RBM42: variants seen among roughly 807,000 people sequenced by gnomAD.
The protein encoded by RBM42 is RNA binding motif protein 42.
Under a neutral mutation model 41.4 loss-of-function variants are expected in RBM42, and 21 were observed. The ratio of observed to expected loss-of-function variants is 0.51; its 90% confidence interval spans 0.36 to 0.73. The LOEUF is 0.73. Ranked by LOEUF, RBM42 falls within the 30% of genes least tolerant of loss-of-function variation. RBM42 has a pLI of 0.00. For missense variants in RBM42, 539 were observed against 680.4 expected (o/e 0.79, Z 2.31); for synonymous variants, 272 against 271.2 (o/e 1.00, Z -0.03).
At chr19:35,629,804 A>C in intron 2 of RBM42, 131 bp downstream of exon 2, 1 of 920,036 alleles carries the variant, frequency 1.1e-6, no homozygotes, top group Non-Finnish European at 1.6e-6. Flanking sequence ...TATGCCAGGC[A>C]CTGAGAACAC....
At chr19:35,634,422 C>G in intron 8 of RBM42, 49 bp downstream of exon 8, 1 of 1,370,866 alleles carries the variant, frequency 7.3e-7, no homozygotes, top group Non-Finnish European at 1.0e-6. Flanking sequence ...AAGGTCAGAC[C>G]AGGCTGCTGT....
chr19:35,632,684 T>G (rs1599606270), intron 4 of RBM42, among the ~76,000 whole-genome samples: 1 of 152,066 alleles, frequency 6.6e-6, no homozygotes, highest in East Asian at 1.9e-4. Flanking sequence ...AGGAGCTCCC[T>G]GAGAACCCTG....
intron 4 of RBM42, chr19:35,632,035 G>A (rs1453052413): frequency 6.5e-6 from 1 of 153,130 alleles, no homozygotes; most frequent in Non-Finnish European, 1.5e-5. Flanking sequence ...CTGTCAATTT[G>A]TAGGACATTA....
rs781639435 is a variant in RBM42 at position 35,637,482 on chromosome 19, C to T, written c.1371C>T (p.Ser457=). The stretch of plus-strand genomic sequence containing the variant: ...CGCGCCCCATCAAGCTTCGCAAGAG[C>T]ATGTGGAAGGACCGGAATCTGGACG... ...VGSRPIKLRK[S]MWKDRNLDVV... Residue 457 remains serine, a synonymous_variant, in exon 10 of 10, where the codon AGC becomes AGT. Transcript: ENST00000262633. The surrounding 1 kb of genome is among the most constrained non-coding windows in gnomAD (Gnocchi z 7.0). 1 of 1,614,240 alleles carries T rather than the reference C, an allele frequency of 6.2e-7. No individual in the cohort carries two copies. Among genetic ancestry groups the T allele is most frequent in the Admixed American group, 1.7e-5 (1 of 60,030 alleles).
chr19:35,634,247 C>G lies in RBM42; in HGVS notation c.1018-9C>G. Reference sequence around the variant, plus strand: ...CAACCCCTTTGCACCTCTCCCCTTTCCTCTGCAGGTCCCAGAGCCCCTGGG... The same window carrying G: ...CAACCCCTTTGCACCTCTCCCCTTTGCTCTGCAGGTCCCAGAGCCCCTGGG... On this transcript the variant is annotated splice_polypyrimidine_tract_variant and intron_variant, in intron 7 of 9. Transcript: ENST00000262633. 6.2e-7 allele frequency: 1 copy of G among 1,613,050 alleles called. No homozygotes were observed. Among genetic ancestry groups the G allele is most frequent in the African/African-American group, 1.3e-5 (1 of 75,054 alleles).
In RBM42 at chr19:35,637,404, C is replaced by T; in HGVS notation, c.1331-38C>T. 3 of 1,613,286 alleles carry T rather than the reference C, an allele frequency of 1.9e-6. No individual in the cohort carries two copies. Among genetic ancestry groups the T allele is most frequent in the Non-Finnish European group, 2.5e-6 (3 of 1,179,442 alleles). ...CAGGCGCGGCAGGCGCTGGCCTAAG[C>T]CTGACCCGAGCCTGCCTTGAACCCT... is the stretch of plus-strand genomic sequence containing the variant. On this transcript the variant is annotated intron_variant, in intron 9 of 9. Coordinates refer to ENST00000262633, the MANE Select transcript of RBM42 (RefSeq NM_024321.5). This position sits in a 1 kb window ranked among gnomAD's most constrained non-coding sequence, Gnocchi z 7.0.
At chr19:35,631,101 G>T (rs1967396805) in intron 2 of RBM42, 39 bp from the exon 3 acceptor site, 2 of 1,574,106 alleles carry the variant, frequency 1.3e-6, no homozygotes, top group African/African-American at 2.7e-5. Context: ...AGATGGGAAT[G>T]CTGAGTCAGG....
At chr19:35,631,818 CT>C (rs985875226) in intron 4 of RBM42, 1 of 192,598 alleles carries the variant, frequency 5.2e-6, no homozygotes, top group African/African-American at 2.4e-5. Context: ...GGCTTTTCCC[CT>C]GGCAGTCACA....
intron 4 of RBM42, 91 bp from the exon 5 acceptor site, chr19:35,632,845 G>C: frequency 1.4e-6 from 1 of 712,546 alleles, no homozygotes; most frequent in Non-Finnish European, 2.6e-6. Context: ...TTGATGCTGA[G>C]AGTGCACACA....
chr19:35,634,121 GA>G, intron 7 of RBM42, 102 bp downstream of exon 7: 1 of 1,518,854 alleles, frequency 6.6e-7, no homozygotes, highest in Non-Finnish European at 8.8e-7. Flanking sequence ...GGACCTGGGG[GA>G]GGGAGGCGGA....
intron 6 of RBM42, 79 bp from the exon 7 acceptor site, chr19:35,633,608 C>A: frequency 3.0e-6 from 4 of 1,339,830 alleles, no homozygotes; most frequent in Non-Finnish European, 3.9e-6. Flanking sequence ...CAGGCCCTTT[C>A]TTTGTTGGAT....
At position 35,633,935 on chromosome 19, in the gene RBM42, G is replaced by A. The variant is rs769730572; in HGVS notation, c.933G>A (p.Pro311=). The change falls in exon 7 of 10, where the codon CCG becomes CCA. Residue 311 remains proline (P), a synonymous_variant. Coordinates refer to ENST00000262633, the MANE Select transcript of RBM42 (RefSeq NM_024321.5). ...AGGTCGTCCGCGGCCTCCTGCCCCC[G>A]CTGCGCATTCCTGAACTCCTGTCCC... ...PLEVVRGLLP[P]LRIPELLSLR... The A allele has an allele frequency of 1.5e-5, 24 of 1,580,528 alleles. No individual in the cohort carries two copies. The highest frequency in any genetic ancestry group is 1.7e-4 in the Middle Eastern group (1 of 5,956).
Position 35,636,070 on chromosome 19 carries a change from A to G in RBM42, c.1136-1088A>G, listed in dbSNP as rs1967492447. Reference sequence around the variant, plus strand: ...TTTGACTTCCACCCCCTCTCCTGGGACCGTCTACCTGGCCCAGAGAAGACC... The same window carrying G: ...TTTGACTTCCACCCCCTCTCCTGGGGCCGTCTACCTGGCCCAGAGAAGACC... On this transcript the variant is annotated intron_variant, in intron 8 of 9. Transcript: ENST00000262633. 2.0e-5 allele frequency among the ~76,000 whole-genome samples: 3 copies of G among 151,562 alleles called. No individual in the cohort carries two copies. In the South Asian group the frequency reaches 6.3e-4, roughly 32 times the overall value.
intron 2 of RBM42, among the ~76,000 whole-genome samples, chr19:35,630,164 A>T (rs1306953477): frequency 6.6e-6 from 1 of 151,996 alleles, no homozygotes; most frequent in Non-Finnish European, 1.5e-5. Flanking sequence ...AATTACAAAA[A>T]TTAGCTGGGT....
chr19:35,633,230 T>A lies in RBM42; in HGVS notation c.662T>A (p.Met221Lys). ...ARAPGPPLGS[M>K]AALRPPLEEP... Reference sequence around the variant, plus strand: ...GCTCCAGGGCCCCCGCTGGGCTCCATGGCTGCACTGAGGCCCCCTCTGGTG... The same window carrying A: ...GCTCCAGGGCCCCCGCTGGGCTCCAAGGCTGCACTGAGGCCCCCTCTGGTG... Residue 221 changes from methionine to lysine, a missense_variant, in exon 6 of 10, where the codon ATG becomes AAG. Met to Lys is a moderately conservative substitution (Grantham distance 95). Coordinates refer to ENST00000262633, the MANE Select transcript of RBM42 (RefSeq NM_024321.5). 1 of 1,598,362 alleles carries A rather than the reference T, an allele frequency of 6.3e-7. No individual in the cohort carries two copies. Among genetic ancestry groups the A allele is most frequent in the Non-Finnish European group, 8.5e-7 (1 of 1,172,824 alleles).
chr19:35,632,279 C>T (rs1655503174), intron 4 of RBM42, among the ~76,000 whole-genome samples: 2 of 152,044 alleles, frequency 1.3e-5, no homozygotes, highest in African/African-American at 4.8e-5. Flanking sequence ...CCCCAGTGCC[C>T]TCAGGAGGAC....
intron 6 of RBM42, 85 bp from the exon 7 acceptor site, chr19:35,633,602 C>G: frequency 7.6e-7 from 1 of 1,310,844 alleles, no homozygotes; most frequent in South Asian, 1.9e-5. Context: ...GGCCCCCAGG[C>G]CCTTTCTTTG....
At chr19:35,630,197 C>T (rs1228978056) in intron 2 of RBM42, among the ~76,000 whole-genome samples, 3 of 151,896 alleles carry the variant, frequency 2.0e-5, no homozygotes, top group Non-Finnish European at 2.9e-5. Context: ...GCCTGTAGTC[C>T]CAGCTACTTG....
intron 8 of RBM42, among the ~76,000 whole-genome samples, chr19:35,635,960 T>C (rs1422597299): frequency 1.3e-5 from 2 of 152,118 alleles, no homozygotes; most frequent in Non-Finnish European, 2.9e-5. Flanking sequence ...TTGCCTAACT[T>C]GTGCTTAGAG....
Sources: allele counts gnomAD v4.1 joint callset (sites outside exome capture counted in the v4.1 genomes callset), GRCh38; gene constraint gnomAD v4.1.1; non-coding constraint Gnocchi (gnomAD v3.1); transcripts MANE v1.5; gene names NCBI Gene and HGNC (gene_info 2026-07-23, HGNC 2026-07-21).